The following PCDHGB1 variants were observed in gnomAD, a reference collection of about 807,000 sequenced individuals.
PCDHGB1 encodes the protein protocadherin gamma-B1.
A neutral mutation model predicts 56.6 loss-of-function variants in PCDHGB1; 34 were observed. The observed-to-expected ratio is 0.60, with a 90% CI of 0.46 to 0.80. The LOEUF (loss-of-function observed/expected upper bound fraction) is 0.80. PCDHGB1 is among the 30% of genes least tolerant of loss of function. The pLI is 0.00. For synonymous variants in PCDHGB1, 561 were observed against 505.9 expected (o/e 1.11, Z -1.46); for missense variants, 1,278 against 1,204.6 (o/e 1.06, Z -0.90).
intron 1 of PCDHGB1, chr5:141,365,990 G>T: frequency 6.2e-7 from 1 of 1,614,216 alleles, no homozygotes; most frequent in Non-Finnish European, 8.5e-7. Flanking sequence ...GTTTGTGCTG[G>T]ACCAGAACGA....
intron 1 of PCDHGB1, among the ~76,000 whole-genome samples, chr5:141,405,811 ACTGT>A (rs56926516): frequency 0.18 from 26,617 of 151,870 alleles, 2,510 homozygotes; most frequent in Admixed American, 0.28. Flanking sequence ...TTTCTCTTTA[ACTGT>A]CTGTACTTAA....
At chr5:141,459,319 T>G (rs1270005431) in intron 1 of PCDHGB1, among the ~76,000 whole-genome samples, 1 of 152,216 alleles carries the variant, frequency 6.6e-6, no homozygotes, top group Non-Finnish European at 1.5e-5. Context: ...TTTGTATCCA[T>G]CTTCTTTTAC....
At chr5:141,360,126 G>A in intron 1 of PCDHGB1, 1 of 1,585,250 alleles carries the variant, frequency 6.3e-7, no homozygotes, top group Non-Finnish European at 8.6e-7. Context: ...GGAGCAAAGG[G>A]AGCCAGAAGA....
intron 1 of PCDHGB1, among the ~76,000 whole-genome samples, chr5:141,451,072 C>A (rs2098705989): frequency 6.6e-6 from 1 of 152,026 alleles, no homozygotes; most frequent in African/African-American, 2.4e-5. Context: ...TTGTGATCCA[C>A]CCACCTTGAC....
In PCDHGB1 at chr5:141,351,090, C is replaced by T; in HGVS notation, c.830C>T (p.Ala277Val). The T allele has an allele frequency of 6.2e-7, 1 of 1,614,036 alleles. No individual in the cohort carries two copies. The highest frequency in any genetic ancestry group is 1.1e-5 in the South Asian group (1 of 91,086). Residue 277 changes from alanine to valine, a missense_variant, in exon 1 of 4, where the codon GCC becomes GTC. Physicochemically the swap from Ala to Val is moderately conservative, Grantham distance 64. Coordinates refer to ENST00000523390, the MANE Select transcript of PCDHGB1 (RefSeq NM_018922.3). ...DEGINAEITYAFLNSPISTSL... is the reference protein window; with the variant it reads ...DEGINAEITYVFLNSPISTSL... ...GGCATTAATGCAGAGATCACCTATG[C>T]CTTCCTCAATTCCCCAATAAGTACC...
chr5:141,500,258 G>A lies in PCDHGB1; in HGVS notation c.2469-5135G>A, dbSNP rs2099798463. On this transcript the variant is annotated intron_variant, in intron 2 of 3. Coordinates refer to ENST00000523390, the MANE Select transcript of PCDHGB1 (RefSeq NM_018922.3). ...TAGCCTTGCTCTGTCACCCAGGCTG[G>A]ACTGCAGTGGCGCAATCTCGGCTCA... Among the ~76,000 whole-genome samples the A allele has an allele frequency of 2.0e-5, 3 of 150,738 alleles. No homozygotes were observed. In the South Asian group the frequency reaches 6.3e-4, roughly 32 times the overall value.
intron 1 of PCDHGB1, chr5:141,384,849 TC>T (rs2047512750): frequency 6.2e-7 from 1 of 1,613,452 alleles, no homozygotes; most frequent in East Asian, 2.2e-5. Flanking sequence ...AGGACCACGG[TC>T]AGCCTCCTCT....
chr5:141,389,430 C>T (rs2091763189), intron 1 of PCDHGB1: 1 of 1,610,546 alleles, frequency 6.2e-7, no homozygotes, highest in Non-Finnish European at 8.5e-7. Context: ...GTTCGCGCAG[C>T]GCGCCTTCGA....
chr5:141,431,700 TC>T lies in PCDHGB1; in HGVS notation c.2410-63106del. On this transcript the variant is annotated intron_variant, in intron 1 of 3. Coordinates refer to ENST00000523390, the MANE Select transcript of PCDHGB1 (RefSeq NM_018922.3). The surrounding 1 kb of genome is among the most constrained non-coding windows in gnomAD (Gnocchi z 4.8). ...GAGTTGGACCACGAGGAGTCAGGAT[TC>T]TACCAGATGGAAGTGCAAGCAATGG... 6.2e-7 allele frequency: 1 copy of T among 1,614,218 alleles called. No individual in the cohort carries two copies.
In PCDHGB1 at chr5:141,388,210, T is replaced by C. The variant is rs1589055013; in HGVS notation, c.2409+35541T>C. ...GCTTGTGCTCTGGAATTTGAGGCTG[T>C]TGCTGAAAATCCACTGAACTTTTAT... On this transcript the variant is annotated intron_variant, in intron 1 of 3. Transcript: ENST00000523390. 1.9e-6 allele frequency: 3 copies of C among 1,587,862 alleles called. No homozygotes were observed. Among genetic ancestry groups the C allele is most frequent in the Non-Finnish European group, 2.6e-6 (3 of 1,159,126 alleles).
chr5:141,447,854 G>A (rs1480134238), intron 1 of PCDHGB1, among the ~76,000 whole-genome samples: 1 of 152,200 alleles, frequency 6.6e-6, no homozygotes, highest in Non-Finnish European at 1.5e-5. Flanking sequence ...GGGAGGCCGA[G>A]GTGGGTGAAT....
In PCDHGB1 at chr5:141,351,778, G is replaced by C. The variant is rs181453842; in HGVS notation, c.1518G>C (p.Gln506His). The change falls in exon 1 of 4, where the codon CAG becomes CAC. Residue 506 changes from glutamine to histidine, a missense_variant. Coordinates refer to ENST00000523390, the MANE Select transcript of PCDHGB1 (RefSeq NM_018922.3). ...TGTCCTACGTGTCCGTGAGCCCGCA[G>C]AGCGGGGTGGTGTTCGCGCAGCGCG... ...ELLSYVSVSP[Q>H]SGVVFAQRAF... 294 of 1,613,470 alleles carry C rather than the reference G, an allele frequency of 1.8e-4. No homozygotes were observed. The highest frequency in any genetic ancestry group is 2.5e-4 in the Non-Finnish European group (290 of 1,179,900).
At chr5:141,505,028 G>A (rs2099842951) in intron 2 of PCDHGB1, among the ~76,000 whole-genome samples, 1 of 152,164 alleles carries the variant, frequency 6.6e-6, no homozygotes, top group Admixed American at 6.5e-5. Flanking sequence ...CTGGCACAGT[G>A]GCAGGTGCCT....
At chr5:141,448,220 G>A (rs750470070) in intron 1 of PCDHGB1, among the ~76,000 whole-genome samples, 9 of 152,148 alleles carry the variant, frequency 5.9e-5, no homozygotes, top group Non-Finnish European at 1.0e-4. Flanking sequence ...GTATGCGAAT[G>A]TATGTGTGGG....
intron 1 of PCDHGB1, chr5:141,375,763 C>G: frequency 6.2e-7 from 1 of 1,614,242 alleles, no homozygotes; most frequent in South Asian, 1.1e-5. Context: ...ACAATGCGCC[C>G]GAGATCCTGT....
rs752011641 is a variant in PCDHGB1 at position 141,490,299 on chromosome 5, C to T, written c.2410-4508C>T. 1.2e-6 allele frequency: 2 copies of T among 1,614,068 alleles called. No homozygotes were observed. Among genetic ancestry groups the T allele is most frequent in the East Asian group, 2.2e-5 (1 of 44,896 alleles). Reference sequence around the variant, plus strand: ...ACAATGCCCCAGAGGTGCTATTGGCCTCTTTGGCCAACCCTGTCCTAGAGA... The same window carrying T: ...ACAATGCCCCAGAGGTGCTATTGGCTTCTTTGGCCAACCCTGTCCTAGAGA... On this transcript the variant is annotated intron_variant, in intron 1 of 3. Coordinates refer to ENST00000523390, the MANE Select transcript of PCDHGB1 (RefSeq NM_018922.3). The surrounding 1 kb of genome is among the most constrained non-coding windows in gnomAD (Gnocchi z 5.4).
chr5:141,502,242 CT>C (rs989546500), intron 2 of PCDHGB1, among the ~76,000 whole-genome samples: 27 of 151,950 alleles, frequency 1.8e-4, no homozygotes, highest in African/African-American at 6.3e-4. Context: ...TTCTTTTATC[CT>C]TTTTTTTAAT....
At chr5:141,352,929 A>G (rs1001417027) in intron 1 of PCDHGB1, among the ~76,000 whole-genome samples, 6 of 152,240 alleles carry the variant, frequency 3.9e-5, no homozygotes, top group Admixed American at 1.3e-4. Flanking sequence ...TGGAGATTGT[A>G]GTGAGCCAAG....
At chr5:141,463,834 A>G (rs1212299231) in intron 1 of PCDHGB1, among the ~76,000 whole-genome samples, 4 of 152,108 alleles carry the variant, frequency 2.6e-5, no homozygotes, top group East Asian at 1.9e-4. Flanking sequence ...TCCACTTCCC[A>G]GTTGTTATAG....
Sources: allele counts gnomAD v4.1 joint callset (sites outside exome capture counted in the v4.1 genomes callset), GRCh38; gene constraint gnomAD v4.1.1; non-coding constraint Gnocchi (gnomAD v3.1); transcripts MANE v1.5; gene names NCBI Gene and HGNC (gene_info 2026-07-23, HGNC 2026-07-21).